CCM2: variants seen among roughly 807,000 people sequenced by gnomAD.
The protein encoded by CCM2 is cerebral cavernous malformations 2 protein.
CCM2 carries 25 observed loss-of-function variants against 44.9 expected under a neutral mutation model. The ratio of observed to expected loss-of-function variants is 0.56; its 90% CI spans 0.41 to 0.78. CCM2 has a LOEUF of 0.78. Ranked by LOEUF, CCM2 falls within the 30% of genes least tolerant of loss-of-function variation. The probability of loss-of-function intolerance (pLI) is 0.00; values close to 1 mark genes in which losing one functional copy is unlikely to be tolerated. For missense variants in CCM2, 481 were observed against 580.6 expected (o/e 0.83, Z 1.76); for synonymous variants, 219 against 241.1 (o/e 0.91, Z 0.85).
intron 2 of CCM2, among the ~76,000 whole-genome samples, chr7:45,051,814 G>T (rs537841196): frequency 2.0e-5 from 3 of 151,596 alleles, no homozygotes; most frequent in Non-Finnish European, 4.4e-5. Flanking sequence ...GCCCACCTCG[G>T]CCCCCCAAAA....
intron 2 of CCM2, chr7:45,043,644 T>C (rs1427319878): frequency 3.1e-5 from 11 of 359,496 alleles, no homozygotes; most frequent in Non-Finnish European, 5.8e-5. Flanking sequence ...AAAAAAAAAT[T>C]GTGGAGAAAT....
At chr7:45,018,217 C>G (rs550631825) in intron 1 of CCM2, among the ~76,000 whole-genome samples, 1 of 152,280 alleles carries the variant, frequency 6.6e-6, no homozygotes, top group African/African-American at 2.4e-5. Context: ...TGCTGGCCCT[C>G]CACTCACCTC....
intron 1 of CCM2, among the ~76,000 whole-genome samples, chr7:45,024,068 C>T (rs1043956260): frequency 2.0e-5 from 3 of 152,100 alleles, no homozygotes; most frequent in East Asian, 3.8e-4. Flanking sequence ...GCCTTGGCCT[C>T]CCAAAGTGCT....
At chr7:45,037,252 C>T (rs78986225) in intron 1 of CCM2, among the ~76,000 whole-genome samples, 2,337 of 149,936 alleles carry the variant, frequency 0.016, 28 homozygotes, top group Non-Finnish European at 0.02. Context: ...CTGGGTTCTG[C>T]AGGCGAGGCT....
At chr7:45,008,639 G>A (rs900498049) in intron 1 of CCM2, among the ~76,000 whole-genome samples, 2 of 149,958 alleles carry the variant, frequency 1.3e-5, no homozygotes, top group African/African-American at 4.9e-5. Flanking sequence ...TGGGATTACA[G>A]GCGTGAGCCA....
chr7:45,008,435 C>A (rs1191883389), intron 1 of CCM2, among the ~76,000 whole-genome samples: 2 of 145,562 alleles, frequency 1.4e-5, no homozygotes, highest in East Asian at 4.0e-4. Flanking sequence ...GATCTCGGCT[C>A]ACCACAACCT....
At chr7:45,021,575 AT>A (rs1222276639) in intron 1 of CCM2, among the ~76,000 whole-genome samples, 2 of 151,402 alleles carry the variant, frequency 1.3e-5, no homozygotes, top group African/African-American at 4.8e-5. Flanking sequence ...AAAAAAAAAA[AT>A]AAAATAAAAT....
intron 1 of CCM2, among the ~76,000 whole-genome samples, chr7:45,029,022 C>G (rs1309918624): frequency 6.6e-6 from 1 of 152,162 alleles, no homozygotes; most frequent in Non-Finnish European, 1.5e-5. Context: ...TGGACAGAAT[C>G]ATCGCTCCAG....
chr7:45,040,754 A>AGGG (rs34522371), intron 2 of CCM2, among the ~76,000 whole-genome samples: 1 of 152,188 alleles, frequency 6.6e-6, no homozygotes, highest in Non-Finnish European at 1.5e-5. Context: ...TGGGAGGCCA[A>AGGG]GGGGGGCAGA....
chr7:45,060,058 T>G (rs1486343471), intron 2 of CCM2, among the ~76,000 whole-genome samples: 1 of 152,248 alleles, frequency 6.6e-6, no homozygotes. Flanking sequence ...CTCTGATGCT[T>G]TTCCCCTTCT....
chr7:45,062,923 C>T (rs1167655979), intron 2 of CCM2, among the ~76,000 whole-genome samples: 1 of 151,942 alleles, frequency 6.6e-6, no homozygotes, highest in Non-Finnish European at 1.5e-5. Flanking sequence ...TATGTTATCC[C>T]AGGGCGAAAG....
Position 45,063,942 on chromosome 7 carries a change from C to T in CCM2, c.229C>T (p.Pro77Ser). Residue 77 changes from proline to serine, a missense_variant, in exon 3 of 10, where the codon CCA becomes TCA. Physicochemically the swap from Pro to Ser is moderately conservative, Grantham distance 74. Transcript: ENST00000258781. ...VKYLGQLTSIPGYLNPSSRTE... is the reference protein window; with the variant it reads ...VKYLGQLTSISGYLNPSSRTE... ...GTATTTAGGTCAGTTAACGTCCATA[C>T]CAGGATACCTGAATCCCTCCAGTAG... 2 of 1,612,906 alleles carry T rather than the reference C, an allele frequency of 1.2e-6. No individual in the cohort carries two copies. The highest frequency in any genetic ancestry group is 1.7e-6 in the Non-Finnish European group (2 of 1,178,996).
intron 2 of CCM2, among the ~76,000 whole-genome samples, chr7:45,041,992 G>A (rs1797526677): frequency 6.6e-6 from 1 of 152,146 alleles, no homozygotes; most frequent in Non-Finnish European, 1.5e-5. Context: ...TAAAGGTGGT[G>A]TTGTCGAGCG....
At chr7:45,054,218 C>T (rs1354010395) in intron 2 of CCM2, among the ~76,000 whole-genome samples, 1 of 152,000 alleles carries the variant, frequency 6.6e-6, no homozygotes, top group Non-Finnish European at 1.5e-5. Context: ...ATGAGATTCC[C>T]ATTTCATTTG....
rs1798646223 is a variant in CCM2 at position 45,063,987 on chromosome 7, A to T, written c.274A>T (p.Ile92Leu). ...PSSRTEILHF[I>L]DNAKRAHQLP... ...CAGTAGGACTGAAATCCTGCATTTC[A>T]TAGACAATGCAAAGGTAACCCTATC... The change falls in exon 3 of 10, where the codon ATA becomes TTA. Residue 92 changes from isoleucine (I) to leucine (L), a missense_variant. Ile to Leu is a conservative substitution (Grantham distance 5, BLOSUM62 2). Transcript: ENST00000258781. 6.2e-7 allele frequency: 1 copy of T among 1,610,664 alleles called. No homozygotes were observed. Among genetic ancestry groups the T allele is most frequent in the Non-Finnish European group, 8.5e-7 (1 of 1,176,966 alleles).
Position 45,075,958 on chromosome 7 carries a change from G to T in CCM2, c.1236G>T (p.Arg412=), listed in dbSNP as rs887304366. Reference sequence around the variant, plus strand: ...GGGCCACGGGCAGCTCTGATGACCGGTCGGCACCCTCAGAGGGGGATGAGT... The same window carrying T: ...GGGCCACGGGCAGCTCTGATGACCGTTCGGCACCCTCAGAGGGGGATGAGT... The part of the protein sequence containing the change: ...GNRATGSSDD[R]SAPSEGDEWD... Residue 412 remains arginine, a synonymous_variant, in exon 10 of 10, where the codon CGG becomes CGT. Coordinates refer to ENST00000258781, the MANE Select transcript of CCM2 (RefSeq NM_031443.4). The T allele has an allele frequency of 6.2e-7, 1 of 1,613,078 alleles. No individual in the cohort carries two copies. The highest frequency in any genetic ancestry group is 1.3e-5 in the African/African-American group (1 of 74,930).
intron 2 of CCM2, among the ~76,000 whole-genome samples, chr7:45,059,320 T>A (rs1423306353): frequency 6.6e-6 from 1 of 151,502 alleles, no homozygotes; most frequent in Non-Finnish European, 1.5e-5. Context: ...TGGTGGCTCA[T>A]GCCTGTAATC....
intron 1 of CCM2, among the ~76,000 whole-genome samples, chr7:45,036,393 C>T (rs900155741): frequency 6.6e-6 from 1 of 151,548 alleles, no homozygotes; most frequent in Non-Finnish European, 1.5e-5. Flanking sequence ...TGTCAGGAGG[C>T]AGCAGGGTCA....
rs578012174 is a variant in CCM2 at position 45,044,909 on chromosome 7, C to T, written c.204+6483C>T. ...TATTAAAATTTTGTTTTGAAGATTTCATAACTAAACTCTAACCGATCCCCA... is the reference window on the plus strand; with the variant it reads ...TATTAAAATTTTGTTTTGAAGATTTTATAACTAAACTCTAACCGATCCCCA... On this transcript the variant is annotated intron_variant, in intron 2 of 9. Transcript: ENST00000258781. 4.6e-4 allele frequency among the ~76,000 whole-genome samples: 70 copies of T among 152,174 alleles called. 2 individuals carry two copies. In the South Asian group the frequency reaches 0.015, roughly 32 times the overall value.
Sources: gnomAD v4.1 joint callset for allele counts (sites outside exome capture counted in the v4.1 genomes callset) on GRCh38, gnomAD v4.1.1 for gene constraint, MANE v1.5 for transcripts, NCBI Gene and HGNC (gene_info 2026-07-23, HGNC 2026-07-21) for gene names.